Variants in CADM3 observed in about 807,000 individuals in gnomAD.
CADM3 encodes TSLC1-like 1.
Under a neutral mutation model 44.9 loss-of-function variants are expected in CADM3, and 11 were observed. The observed-to-expected ratio is 0.25, with a 90% CI of 0.15 to 0.41. The LOEUF (loss-of-function observed/expected upper bound fraction) is 0.41. CADM3 is among the 10% of genes least tolerant of loss of function. The probability of loss-of-function intolerance (pLI) is 1.00; values close to 1 mark genes in which losing one functional copy is unlikely to be tolerated. For missense variants in CADM3, 426 were observed against 512.0 expected (o/e 0.83, Z 1.62); for synonymous variants, 207 against 205.2 (o/e 1.01, Z -0.08).
At chr1:159,179,387 T>C (rs1040635120) in intron 1 of CADM3, among the ~76,000 whole-genome samples, 2 of 152,232 alleles carry the variant, frequency 1.3e-5, no homozygotes, top group African/African-American at 2.4e-5. Context: ...TATTGATTGC[T>C]AATTATAAGC....
chr1:159,182,086 A>T (rs28597939), intron 1 of CADM3, among the ~76,000 whole-genome samples: 1 of 120,768 alleles, frequency 8.3e-6, no homozygotes, highest in African/African-American at 2.7e-5. Flanking sequence ...ACACACACAC[A>T]CGCACACACA....
intron 5 of CADM3, chr1:159,194,265 TTAATTCTCCG>T (rs1431001842): frequency 1.1e-5 from 5 of 474,762 alleles, no homozygotes; most frequent in Non-Finnish European, 1.9e-5. Context: ...TGTCAACTAC[TTAATTCTCCG>T]TTGTTGTAGG....
At chr1:159,193,352 C>T in intron 3 of CADM3, 71 bp from the exon 4 acceptor site, 1 of 1,485,932 alleles carries the variant, frequency 6.7e-7, no homozygotes, top group Non-Finnish European at 9.1e-7. Context: ...AAGCCATCTC[C>T]ACAGGGAGAG....
intron 1 of CADM3, among the ~76,000 whole-genome samples, chr1:159,176,810 C>A (rs1292339803): frequency 1.3e-5 from 2 of 152,306 alleles, no homozygotes; most frequent in East Asian, 3.9e-4. Flanking sequence ...TTCACTGAAG[C>A]AGCAACTACT....
intron 7 of CADM3, chr1:159,198,143 C>T (rs1401377634): frequency 1.3e-5 from 2 of 152,216 alleles, no homozygotes; most frequent in Non-Finnish European, 2.9e-5. Context: ...TGTTGGACTG[C>T]GTCTGTTTCC....
chr1:159,196,822 A>AT (rs533935187), intron 6 of CADM3, 69 bp from the exon 7 acceptor site: 20,354 of 1,089,518 alleles, frequency 0.019, no homozygotes, highest in South Asian at 0.026. Flanking sequence ...GCTCCCAGTT[A>AT]TTTTTTTTTT....
chr1:159,198,572 C>G (rs1445284227), intron 7 of CADM3, among the ~76,000 whole-genome samples: 1 of 152,002 alleles, frequency 6.6e-6, no homozygotes, highest in African/African-American at 2.4e-5. Context: ...AACTGAAACG[C>G]GGGCCCAGCC....
At chr1:159,171,957 C>A in intron 1 of CADM3, 104 bp downstream of exon 1, 1 of 734,084 alleles carries the variant, frequency 1.4e-6, no homozygotes, top group Non-Finnish European at 1.9e-6. Flanking sequence ...TGTTTGGAAC[C>A]GGGGTTAAAG....
chr1:159,190,674 T>A (rs572707932), intron 1 of CADM3, among the ~76,000 whole-genome samples: 2 of 152,328 alleles, frequency 1.3e-5, no homozygotes, highest in East Asian at 3.9e-4. Context: ...CCTCAGGGCC[T>A]CTGCTCTGCT....
chr1:159,183,872 T>A (rs543638820), intron 1 of CADM3, among the ~76,000 whole-genome samples: 2 of 152,208 alleles, frequency 1.3e-5, no homozygotes, highest in South Asian at 4.2e-4. Context: ...AAGCCTTAGA[T>A]TAGGAAATTA....
chr1:159,187,360 C>G (rs1649457043), intron 1 of CADM3, among the ~76,000 whole-genome samples: 1 of 152,162 alleles, frequency 6.6e-6, no homozygotes, highest in Non-Finnish European at 1.5e-5. Flanking sequence ...ACAAGTAAAT[C>G]ACACTGGAAT....
intron 1 of CADM3, 35 bp downstream of exon 1, chr1:159,171,888 G>A (rs1438168413): frequency 1.7e-6 from 2 of 1,208,790 alleles, no homozygotes; most frequent in Non-Finnish European, 2.1e-6. Flanking sequence ...TGGGGAGGTG[G>A]GGAGTGACCC....
At chr1:159,197,402 G>A (rs2746043) in intron 7 of CADM3, 14,756 of 214,310 alleles carry the variant, frequency 0.069, 1,816 homozygotes, top group African/African-American at 0.28. Context: ...AGGCGCAGGT[G>A]CATTTCCTTC....
chr1:159,179,024 G>A (rs748101841), intron 1 of CADM3, among the ~76,000 whole-genome samples: 4 of 152,162 alleles, frequency 2.6e-5, no homozygotes, highest in Non-Finnish European at 2.9e-5. Context: ...CAGGTAATGA[G>A]AGTGATTTAT....
chr1:159,194,534 C>T (rs1649810645), intron 5 of CADM3: 1 of 152,888 alleles, frequency 6.5e-6, no homozygotes, highest in Non-Finnish European at 1.5e-5. Flanking sequence ...CTTTACCCCA[C>T]TGAGCTTGAT....
intron 1 of CADM3, among the ~76,000 whole-genome samples, chr1:159,174,958 A>G (rs2102089289): frequency 6.6e-6 from 1 of 152,332 alleles, no homozygotes; most frequent in Middle Eastern, 3.4e-3. Flanking sequence ...AGATAAGGTT[A>G]TAGCAATTTA....
chr1:159,188,579 A>G (rs951634522), intron 1 of CADM3, among the ~76,000 whole-genome samples: 2 of 152,070 alleles, frequency 1.3e-5, no homozygotes, highest in African/African-American at 4.8e-5. Context: ...AAGCCCGGAC[A>G]CGTAGCAGCT....
At chr1:159,193,604 G>A in intron 4 of CADM3, 44 bp downstream of exon 4, 1 of 1,613,280 alleles carries the variant, frequency 6.2e-7, no homozygotes, top group East Asian at 2.2e-5. Context: ...AGTGGTGCTG[G>A]AAAGAGAGAG....
intron 7 of CADM3, among the ~76,000 whole-genome samples, chr1:159,198,753 G>GA (rs1233822965): frequency 2.6e-5 from 4 of 152,112 alleles, no homozygotes; most frequent in Non-Finnish European, 5.9e-5. Context: ...AGATATTTGG[G>GA]ACTCTGGCTG....
Sources: allele counts gnomAD v4.1 joint callset (sites outside exome capture counted in the v4.1 genomes callset), GRCh38; gene constraint gnomAD v4.1.1; transcripts MANE v1.5; gene names NCBI Gene and HGNC (gene_info 2026-07-23, HGNC 2026-07-21).